TPD52: variants seen among roughly 807,000 people sequenced by gnomAD.
TPD52 encodes prostate and colon associated protein.
TPD52 carries 17 observed loss-of-function variants against 31.3 expected under a neutral mutation model. The ratio of observed to expected loss-of-function variants is 0.54; its 90% CI spans 0.37 to 0.82. The LOEUF is 0.82. TPD52 is among the 40% of genes least tolerant of loss of function. TPD52 has a pLI of 0.00. For synonymous variants in TPD52, 83 were observed against 89.6 expected (o/e 0.93, Z 0.42); for missense variants, 212 against 240.1 (o/e 0.88, Z 0.77).
At chr8:80,048,000 T>C (rs545461986) in intron 5 of TPD52, among the ~76,000 whole-genome samples, 24 of 152,324 alleles carry the variant, frequency 1.6e-4, no homozygotes, top group African/African-American at 5.3e-4. Context: ...AATGAGAAGG[T>C]TCTTTTAAAG....
chr8:80,133,839 G>C (rs1809200516), intron 1 of TPD52, among the ~76,000 whole-genome samples: 1 of 151,950 alleles, frequency 6.6e-6, no homozygotes, highest in African/African-American at 2.4e-5. Flanking sequence ...GCAAGGAGGG[G>C]GAGGATATTC....
intron 1 of TPD52, among the ~76,000 whole-genome samples, chr8:80,075,746 G>A (rs1814460266): frequency 6.6e-6 from 1 of 152,114 alleles, no homozygotes; most frequent in Admixed American, 6.5e-5. Flanking sequence ...CCCCAGAGAG[G>A]AAGTCTCTTC....
intron 1 of TPD52, among the ~76,000 whole-genome samples, chr8:80,143,563 C>T (rs1465381573): frequency 6.6e-6 from 1 of 151,590 alleles, no homozygotes; most frequent in East Asian, 1.9e-4. Flanking sequence ...AACTCATATG[C>T]TAGCATCCAC....
intron 3 of TPD52, chr8:80,052,628 T>C (rs1412128727): frequency 7.0e-6 from 9 of 1,288,668 alleles, no homozygotes; most frequent in Non-Finnish European, 9.1e-6. Context: ...TGGCTCTCAA[T>C]ACAGAAGACA....
chr8:80,085,075 G>C (rs1225663041), intron 1 of TPD52, among the ~76,000 whole-genome samples: 1 of 152,200 alleles, frequency 6.6e-6, no homozygotes, highest in Non-Finnish European at 1.5e-5. Flanking sequence ...TTTGAAAGAA[G>C]GTTGTATTGT....
intron 1 of TPD52, among the ~76,000 whole-genome samples, chr8:80,089,129 A>C (rs557851114): frequency 2.6e-5 from 4 of 152,334 alleles, no homozygotes; most frequent in African/African-American, 9.6e-5. Flanking sequence ...ATTCTATGGT[A>C]TTGTTATTGC....
intron 1 of TPD52, among the ~76,000 whole-genome samples, chr8:80,074,462 AC>A (rs1272942855): frequency 1.3e-5 from 2 of 152,246 alleles, no homozygotes; most frequent in East Asian, 3.9e-4. Context: ...TCTTCGGGAG[AC>A]CCAAAAGATT....
intron 2 of TPD52, among the ~76,000 whole-genome samples, chr8:80,063,466 T>C (rs940060496): frequency 6.6e-6 from 1 of 152,176 alleles, no homozygotes; most frequent in Non-Finnish European, 1.5e-5. Flanking sequence ...TGTGTGGAAC[T>C]TGAAAGGGGT....
At chr8:80,041,700 A>C (rs551924307) in intron 7 of TPD52, among the ~76,000 whole-genome samples, 4 of 152,104 alleles carry the variant, frequency 2.6e-5, no homozygotes, top group Non-Finnish European at 4.4e-5. Flanking sequence ...CAAAGAAATC[A>C]AAAAATAAAA....
At chr8:80,127,699 A>T (rs1401831041) in intron 1 of TPD52, 1 of 152,034 alleles carries the variant, frequency 6.6e-6, no homozygotes, top group Non-Finnish European at 1.5e-5. Flanking sequence ...TTTATTATGC[A>T]AAGAAACAGA....
intron 1 of TPD52, chr8:80,158,943 C>CAAAAAAAAAAAAAAAAAAA (rs57625062): frequency 2.6e-5 from 2 of 76,354 alleles, no homozygotes; most frequent in African/African-American, 1.0e-4. Context: ...GACTCCGTCT[C>CAAAAAAAAAAAAAAAAAAA]AAAAAAAAAA....
chr8:80,152,340 G>A (rs1054451099), intron 1 of TPD52, among the ~76,000 whole-genome samples: 3 of 152,254 alleles, frequency 2.0e-5, no homozygotes, highest in East Asian at 1.9e-4. Context: ...AAGCAAACTC[G>A]AATGGCAGCA....
intron 1 of TPD52, among the ~76,000 whole-genome samples, chr8:80,067,938 T>C (rs954934500): frequency 6.6e-6 from 1 of 152,118 alleles, no homozygotes; most frequent in Non-Finnish European, 1.5e-5. Context: ...AAATAGAGTC[T>C]GGCTTTTGGG....
chr8:80,115,211 A>C (rs778181129), intron 1 of TPD52, among the ~76,000 whole-genome samples: 23 of 152,210 alleles, frequency 1.5e-4, no homozygotes, highest in Non-Finnish European at 2.9e-4. Flanking sequence ...TGGAGAGTGC[A>C]AAGAGCAGCC....
rs76527195 is a variant in TPD52 at position 80,072,317 on chromosome 8, A to G, written c.20-7724T>C. On this transcript the variant is annotated intron_variant, in intron 1 of 7. Coordinates refer to ENST00000518937, the MANE Select transcript of TPD52 (RefSeq NM_001025253.3). ...GAGAGACTCCATCTAAAAAACATATATGTGTGTGTGTGTGTGTGTGTGTGT... is the reference window on the plus strand; with the variant it reads ...GAGAGACTCCATCTAAAAAACATATGTGTGTGTGTGTGTGTGTGTGTGTGT... Among the ~76,000 whole-genome samples, 548 of 121,344 alleles carry G rather than the reference A, an allele frequency of 4.5e-3. 10 individuals carry two copies. The highest frequency in any genetic ancestry group is 8.7e-3 in the East Asian group (37 of 4,268). 79.6% of individuals were successfully genotyped at this position (121,344 alleles called of 152,430 possible).
intron 1 of TPD52, among the ~76,000 whole-genome samples, chr8:80,113,338 T>G (rs1417962810): frequency 1.3e-5 from 2 of 150,872 alleles, no homozygotes; most frequent in African/African-American, 2.4e-5. Flanking sequence ...TTTGTGAGAC[T>G]GTAAATTAGT....
rs76590012 is a variant in TPD52 at position 80,137,880 on chromosome 8, G to T, written c.19+33545C>A. Among the ~76,000 whole-genome samples the T allele has an allele frequency of 4.8e-3, 730 of 152,272 alleles. 43 individuals carry two copies. The East Asian group carries it at 0.12, about 26-fold the overall frequency. On this transcript the variant is annotated intron_variant, in intron 1 of 7. Transcript: ENST00000518937. ...TTGAGCCCACGAGTTCAATGCTGCAGTGAGTCATGATTGTGCTACTGCACT... is the reference window on the plus strand; with the variant it reads ...TTGAGCCCACGAGTTCAATGCTGCATTGAGTCATGATTGTGCTACTGCACT...
Position 80,037,200 on chromosome 8 carries a change from TAAGTG to T in TPD52, c.*911_*915del, listed in dbSNP as rs1809965879. 1 of 152,618 alleles carries T rather than the reference TAAGTG, an allele frequency of 6.6e-6. No individual in the cohort carries two copies. Among genetic ancestry groups the T allele is most frequent in the Non-Finnish European group, 1.5e-5 (1 of 68,014 alleles). 9.5% of individuals were successfully genotyped at this position (152,618 alleles called of 1,614,324 possible). On this transcript the variant is annotated 3_prime_UTR_variant, in exon 8 of 8. Coordinates refer to ENST00000518937, the MANE Select transcript of TPD52 (RefSeq NM_001025253.3). ...TTATTTTAAATAGTGCTAAATGGAT[TAAGTG>T]AAGACAACAATGGTTCCCCTAATGT...
intron 7 of TPD52, 86 bp from the exon 8 acceptor site, chr8:80,038,321 A>G: frequency 7.1e-6 from 10 of 1,415,112 alleles, no homozygotes; most frequent in Non-Finnish European, 8.8e-6. Flanking sequence ...TTCACTTTCA[A>G]GAACAAATAC....
Sources: allele counts gnomAD v4.1 joint callset (sites outside exome capture counted in the v4.1 genomes callset), GRCh38; gene constraint gnomAD v4.1.1; transcripts MANE v1.5; gene names NCBI Gene and HGNC (gene_info 2026-07-23, HGNC 2026-07-21).